PHLDB1: variants seen among roughly 807,000 people sequenced by gnomAD.
PHLDB1 encodes pleckstrin homology-like domain family B member 1.
Under a neutral mutation model 139.3 loss-of-function variants are expected in PHLDB1, and 65 were observed. That is an observed-to-expected ratio of 0.47 (90% CI 0.38 to 0.57). The LOEUF (loss-of-function observed/expected upper bound fraction) is 0.57, where lower values mean the gene tolerates loss of function less well. PHLDB1 is among the 20% of genes least tolerant of loss of function. The pLI is 0.00. For missense variants in PHLDB1, 1,624 were observed against 1,839.7 expected, an observed-to-expected ratio of 0.88 and a Z score of 2.14; for synonymous variants, 679 against 734.5, an observed-to-expected ratio of 0.92 and a Z score of 1.22.
intron 9 of PHLDB1, 169 bp from the exon 10 acceptor site, chr11:118,635,224 T>G: frequency 1.3e-6 from 1 of 767,114 alleles, no homozygotes; most frequent in Non-Finnish European, 2.2e-6. Flanking sequence ...CAGGCCATGA[T>G]GCCCGCAAAA....
intron 1 of PHLDB1, 90 bp from the exon 2 acceptor site, chr11:118,613,726 C>T (rs1322128990): frequency 6.6e-6 from 5 of 754,876 alleles, no homozygotes; most frequent in African/African-American, 3.5e-5. Context: ...ACTGGTGACA[C>T]CTCTGCCCTG....
chr11:118,650,981 A>C lies in PHLDB1; in HGVS notation c.3874+434A>C, dbSNP rs1458775315. ...TGGACAAATTCCATCAGAGATTCCA[A>C]GACAAGCAGTTGAACAGTGCCAAAG... On this transcript the variant is annotated intron_variant, in intron 20 of 22. Transcript: ENST00000600882. This position sits in a 1 kb window ranked among gnomAD's most constrained non-coding sequence, Gnocchi z 4.7. The C allele has an allele frequency of 9.8e-6, 2 of 203,058 alleles. No homozygotes were observed. Among genetic ancestry groups the C allele is most frequent in the Non-Finnish European group, 2.0e-5 (2 of 98,794 alleles). The allele number at this position is 203,058 out of a possible 1,614,324, so 12.6% of individuals were successfully genotyped here.
Position 118,611,094 on chromosome 11 carries a change from C to T in PHLDB1, c.-21-2722C>T, listed in dbSNP as rs1299000847. On this transcript the variant is annotated intron_variant, in intron 1 of 22. Transcript: ENST00000600882. This position sits in a 1 kb window ranked among gnomAD's most constrained non-coding sequence, Gnocchi z 4.7. ...AGCGGGGCCGCAGGTGAGGGACGTC[C>T]CTCGCGTAGCGCCACTCAGCCGCCG... Among the ~76,000 whole-genome samples, 2 of 152,172 alleles carry T rather than the reference C, an allele frequency of 1.3e-5. No homozygotes were observed. The highest frequency in any genetic ancestry group is 2.9e-5 in the Non-Finnish European group (2 of 68,014).
chr11:118,629,354 G>A, intron 6 of PHLDB1, among the ~76,000 whole-genome samples: 1 of 152,240 alleles, frequency 6.6e-6, no homozygotes, highest in East Asian at 1.9e-4. Flanking sequence ...GCTGGGTGTG[G>A]CTCTAGGCAG....
At position 118,620,006 on chromosome 11, in the gene PHLDB1, C is replaced by T. The variant is rs959592143; in HGVS notation, c.355+3795C>T. Among the ~76,000 whole-genome samples the T allele has an allele frequency of 5.3e-5, 8 of 152,278 alleles. No individual in the cohort carries two copies. The highest frequency in any genetic ancestry group is 1.7e-4 in the African/African-American group (7 of 41,550). The stretch of plus-strand genomic sequence containing the variant: ...GTGTTTAATGAGGGTGTCTGTGTGA[C>T]TCAGAGCATGCAGAGATGAAGTAGT... On this transcript the variant is annotated intron_variant, in intron 4 of 22. Transcript: ENST00000600882. The surrounding 1 kb of genome is among the most constrained non-coding windows in gnomAD (Gnocchi z 4.1).
intron 10 of PHLDB1, chr11:118,636,782 CTCTT>C (rs1945727711): frequency 6.6e-6 from 1 of 152,178 alleles, no homozygotes; most frequent in African/African-American, 2.4e-5. Context: ...TAGCCTCTTC[CTCTT>C]TCTTTCTGGA....
intron 5 of PHLDB1, chr11:118,626,993 G>T: frequency 2.6e-6 from 1 of 382,706 alleles, no homozygotes; most frequent in Non-Finnish European, 4.7e-6. Context: ...GATATAGATT[G>T]GAGGAGTCTA....
At chr11:118,641,392 T>C (rs1946490495) in intron 12 of PHLDB1, 1 of 187,736 alleles carries the variant, frequency 5.3e-6, no homozygotes, top group Non-Finnish European at 1.1e-5. Flanking sequence ...TTTCTTTTTT[T>C]CCCTGGGGCC....
rs1206772070 is a variant in PHLDB1, at chr11:118,614,778, A to T, written c.184+96A>T. On this transcript the variant is annotated intron_variant, in intron 3 of 22. Coordinates refer to ENST00000600882, the MANE Select transcript of PHLDB1 (RefSeq NM_001144758.3). ...CTCCTGCATGTGTTGGGGCCCTTCT[A>T]CTGTCTGCTGGTGCTCGCCTCCCCA... 2.3e-6 allele frequency: 3 copies of T among 1,324,714 alleles called. No homozygotes were observed. In the African/African-American group the frequency reaches 4.4e-5, roughly 19 times the overall value. 82.1% of individuals were successfully genotyped at this position (1,324,714 alleles called of 1,614,324 possible). A position where few individuals can be genotyped will look rare whatever the true frequency, so the allele number is the denominator to read the frequency against.
intron 3 of PHLDB1, 154 bp downstream of exon 3, chr11:118,614,836 C>T (rs1402915050): frequency 1.5e-5 from 10 of 660,018 alleles, no homozygotes; most frequent in African/African-American, 1.5e-4. Context: ...TCTCTGCCTC[C>T]CCAGACTGCC....
intron 18 of PHLDB1, among the ~76,000 whole-genome samples, chr11:118,648,815 C>T (rs917959968): frequency 1.3e-5 from 2 of 152,146 alleles, no homozygotes; most frequent in Non-Finnish European, 2.9e-5. Context: ...CTCCCACAAC[C>T]CCCCATGAGA....
chr11:118,643,478 C>G (rs1220021108), intron 13 of PHLDB1: 1 of 984,106 alleles, frequency 1.0e-6, no homozygotes, highest in Non-Finnish European at 1.2e-6. Flanking sequence ...GAGCTAGGAC[C>G]AGAGGGAACC....
intron 22 of PHLDB1, 39 bp from the exon 23 acceptor site, chr11:118,656,644 G>A: frequency 8.8e-6 from 14 of 1,599,746 alleles, no homozygotes; most frequent in Non-Finnish European, 1.2e-5. Context: ...CTGGGCATGG[G>A]TGAGCCCCAT....
Position 118,657,034 on chromosome 11 carries a change from A to C in PHLDB1, c.*211A>C. The C allele has an allele frequency of 4.2e-6, 2 of 474,366 alleles. No individual in the cohort carries two copies. Among genetic ancestry groups the C allele is most frequent in the Non-Finnish European group, 7.5e-6 (2 of 265,778 alleles). The allele number at this position is 474,366 out of a possible 1,614,324, so 29.4% of individuals were successfully genotyped here. A position where few individuals can be genotyped will look rare whatever the true frequency, so the allele number is the denominator to read the frequency against. ...CCTGCCCCAGGCCCAGCCAGGGCTG[A>C]GGAGCTGTCACAGAGAGGGCCTCAG... On this transcript the variant is annotated 3_prime_UTR_variant, in exon 23 of 23. Coordinates refer to ENST00000600882, the MANE Select transcript of PHLDB1 (RefSeq NM_001144758.3).
At chr11:118,616,905 C>A (rs188580039) in intron 4 of PHLDB1, among the ~76,000 whole-genome samples, 1 of 152,040 alleles carries the variant, frequency 6.6e-6, no homozygotes, top group Non-Finnish European at 1.5e-5. Context: ...ATTAGCCACA[C>A]GTGGTGGCAC....
At chr11:118,635,586 G>A in intron 10 of PHLDB1, 38 bp downstream of exon 10, 13 of 1,462,824 alleles carry the variant, frequency 8.9e-6, no homozygotes, top group Non-Finnish European at 1.2e-5. Context: ...TGCTGTTGGA[G>A]GCCAGTGACC....
chr11:118,652,414 T>C lies in PHLDB1; in HGVS notation c.3874+1867T>C, dbSNP rs565318579. 4 of 152,266 alleles carry C rather than the reference T, an allele frequency of 2.6e-5. No homozygotes were observed. In the South Asian group the frequency reaches 8.3e-4, roughly 32 times the overall value. The allele number at this position is 152,266 out of a possible 1,614,324, so 9.4% of individuals were successfully genotyped here. ...TCTGGGACATCTAGGTTTAGGAGGA[T>C]GGTCAGGATTAGAGGTGGAGTAATA... On this transcript the variant is annotated intron_variant, in intron 20 of 22. Transcript: ENST00000600882.
chr11:118,628,357 C>T lies in PHLDB1; in HGVS notation c.1534C>T (p.Arg512Trp), dbSNP rs375467835. The change falls in exon 6 of 23, where the codon CGG becomes TGG. Residue 512 changes from arginine to tryptophan, a missense_variant. Transcript: ENST00000600882. The part of the protein sequence containing the change: ...PEDFSLTLGA[R>W]GRRTRSPSPT... ...GGACTTCTCCCTGACGCTGGGGGCA[C>T]GGGGCCGTAGGACACGGAGCCCCTC... The T allele has an allele frequency of 1.1e-4, 184 of 1,611,600 alleles. No homozygotes were observed. Among genetic ancestry groups the T allele is most frequent in the Middle Eastern group, 3.3e-4 (2 of 6,078 alleles).
In PHLDB1 at chr11:118,642,404, C is replaced by A; in HGVS notation, c.2877+10C>A. 6.2e-7 allele frequency: 1 copy of A among 1,604,914 alleles called. No homozygotes were observed. The highest frequency in any genetic ancestry group is 8.5e-7 in the Non-Finnish European group (1 of 1,179,308). ...TTCCCGTCAGCTGCAGGTAACCCCT[C>A]CTTCACTGCCCGTCCTCCCCAGCCT... On this transcript the variant is annotated intron_variant, in intron 13 of 22. Transcript: ENST00000600882.
Sources: allele counts gnomAD v4.1 joint callset (sites outside exome capture counted in the v4.1 genomes callset), GRCh38; gene constraint gnomAD v4.1.1; non-coding constraint Gnocchi (gnomAD v3.1); transcripts MANE v1.5; gene names NCBI Gene and HGNC (gene_info 2026-07-23, HGNC 2026-07-21).